The following CNTN6 variants were observed in gnomAD, a reference collection of about 807,000 sequenced individuals.
CNTN6 encodes the protein contactin-6.
A neutral mutation model predicts 122.8 loss-of-function variants in CNTN6; 137 were observed. The observed-to-expected ratio is 1.12, with a 90% CI of 0.97 to 1.29. The LOEUF is 1.29. Ranked by LOEUF, CNTN6 falls within the 50% of genes most tolerant of loss-of-function variation. CNTN6 has a pLI of 0.00. For synonymous variants in CNTN6, 570 were observed against 426.0 expected (o/e 1.34, Z -4.16); for missense variants, 1,634 against 1,223.4 (o/e 1.34, Z -5.01).
In CNTN6 at chr3:1,262,838, A is replaced by G. The variant is rs2094869010; in HGVS notation, c.359-15575A>G. Among the ~76,000 whole-genome samples the G allele has an allele frequency of 3.9e-5, 6 of 152,210 alleles. No individual in the cohort carries two copies. In the South Asian group the frequency reaches 8.3e-4, roughly 21 times the overall value. On this transcript the variant is annotated intron_variant, in intron 4 of 22. Transcript: ENST00000446702. ...TATTTACTGTACAATATGCTTGTATAGTACCCACATATATAGTATAAATTT... is the reference window on the plus strand; with the variant it reads ...TATTTACTGTACAATATGCTTGTATGGTACCCACATATATAGTATAAATTT...
chr3:1,343,231 A>G (rs1381028289), intron 11 of CNTN6, among the ~76,000 whole-genome samples: 1 of 152,180 alleles, frequency 6.6e-6, no homozygotes, highest in Non-Finnish European at 1.5e-5. Context: ...TGTTATCAGT[A>G]AGGCTGCTGG....
chr3:1,225,554 G>A (rs935990351), intron 3 of CNTN6, among the ~76,000 whole-genome samples: 3 of 152,094 alleles, frequency 2.0e-5, no homozygotes, highest in African/African-American at 7.2e-5. Context: ...AACTAAATAT[G>A]GTATATCCTA....
Position 1,110,024 on chromosome 3 carries a change from T to C in CNTN6, c.-83+16904T>C, listed in dbSNP as rs2091407325. On this transcript the variant is annotated intron_variant, in intron 1 of 22. Transcript: ENST00000446702. ...TGTTGTCTAGTTAGTGGAGCATTTA[T>C]TTATCAGCTTTTCCATTTGCTTGAA... is the stretch of plus-strand genomic sequence containing the variant. 2.0e-5 allele frequency among the ~76,000 whole-genome samples: 3 copies of C among 152,136 alleles called. No homozygotes were observed. The South Asian group carries it at 6.2e-4, about 31-fold the overall frequency.
At chr3:1,367,797 GA>G (rs1708454092) in intron 12 of CNTN6, among the ~76,000 whole-genome samples, 13 of 152,128 alleles carry the variant, frequency 8.5e-5, no homozygotes, top group Non-Finnish European at 1.3e-4. Context: ...TAAAGGGATG[GA>G]GATAATGGTG....
intron 4 of CNTN6, among the ~76,000 whole-genome samples, chr3:1,270,480 A>T (rs757145093): frequency 6.6e-6 from 1 of 152,190 alleles, no homozygotes; most frequent in Non-Finnish European, 1.5e-5. Context: ...GTCTTTCACC[A>T]TTTCTCTTTT....
chr3:1,184,078 T>G (rs1407697409), intron 2 of CNTN6, among the ~76,000 whole-genome samples: 1 of 152,160 alleles, frequency 6.6e-6, no homozygotes, highest in East Asian at 1.9e-4. Context: ...GTAGAGATAC[T>G]CTCTCACAAG....
intron 7 of CNTN6, among the ~76,000 whole-genome samples, chr3:1,311,423 G>A (rs200818570): frequency 0.14 from 7,079 of 48,914 alleles, 161 homozygotes; most frequent in African/African-American, 0.32. Context: ...GTCTTTATAT[G>A]TACATATATG....
intron 1 of CNTN6, among the ~76,000 whole-genome samples, chr3:1,147,322 A>G (rs2092744016): frequency 6.6e-6 from 1 of 152,102 alleles, no homozygotes; most frequent in Non-Finnish European, 1.5e-5. Context: ...TAAACAATCA[A>G]CCATAGTCTG....
At chr3:1,102,904 G>A (rs964017245) in intron 1 of CNTN6, among the ~76,000 whole-genome samples, 281 of 150,738 alleles carry the variant, frequency 1.9e-3, no homozygotes, top group African/African-American at 6.5e-3. Flanking sequence ...TCAGGAGATC[G>A]AGACCATCCT....
chr3:1,304,651 T>C (rs1031257783), intron 7 of CNTN6, among the ~76,000 whole-genome samples: 3 of 152,132 alleles, frequency 2.0e-5, no homozygotes, highest in African/African-American at 7.2e-5. Context: ...TTATATTATC[T>C]ATAATAACTA....
chr3:1,391,787 A>T (rs1446250610), intron 20 of CNTN6, among the ~76,000 whole-genome samples: 1 of 150,740 alleles, frequency 6.6e-6, no homozygotes, highest in Non-Finnish European at 1.5e-5. Flanking sequence ...CCAAATCATG[A>T]GTGAACTCCC....
intron 8 of CNTN6, among the ~76,000 whole-genome samples, chr3:1,324,846 T>C (rs1701314360): frequency 6.7e-6 from 1 of 149,742 alleles, no homozygotes; most frequent in African/African-American, 2.5e-5. Flanking sequence ...TTTTCTACCA[T>C]GTCATCTTGA....
intron 4 of CNTN6, among the ~76,000 whole-genome samples, chr3:1,244,652 A>G (rs987045363): frequency 6.6e-6 from 1 of 152,204 alleles, no homozygotes; most frequent in Non-Finnish European, 1.5e-5. Context: ...GAGACCGCCA[A>G]ACAGGCTTTG....
chr3:1,200,701 T>C (rs1274843349), intron 2 of CNTN6, among the ~76,000 whole-genome samples: 1 of 152,156 alleles, frequency 6.6e-6, no homozygotes. Context: ...CAGCCTTAAG[T>C]AAAATTTATG....
At chr3:1,245,058 A>G (rs1226750077) in intron 4 of CNTN6, among the ~76,000 whole-genome samples, 5 of 148,318 alleles carry the variant, frequency 3.4e-5, no homozygotes, top group Non-Finnish European at 7.4e-5. Context: ...GTTACAGGGG[A>G]TGCGATGGCC....
intron 11 of CNTN6, among the ~76,000 whole-genome samples, chr3:1,343,515 G>C (rs1704198754): frequency 6.6e-6 from 1 of 152,148 alleles, no homozygotes. Flanking sequence ...CTTTCTGTTA[G>C]GGGACTGAAT....
At chr3:1,228,847 T>C (rs960940927) in intron 4 of CNTN6, among the ~76,000 whole-genome samples, 1 of 152,214 alleles carries the variant, frequency 6.6e-6, no homozygotes, top group Non-Finnish European at 1.5e-5. Context: ...AAAACTCACC[T>C]TGTGAAACTA....
chr3:1,151,298 G>A (rs1320158090), intron 2 of CNTN6, among the ~76,000 whole-genome samples: 1 of 152,090 alleles, frequency 6.6e-6, no homozygotes. Flanking sequence ...AAAAGTTAAT[G>A]TTGTTTGTTC....
At chr3:1,198,205 T>A (rs1327805153) in intron 2 of CNTN6, among the ~76,000 whole-genome samples, 1 of 152,160 alleles carries the variant, frequency 6.6e-6, no homozygotes, top group Non-Finnish European at 1.5e-5. Context: ...AAAAACTTAT[T>A]CCTTGGTATG....
Sources: gnomAD v4.1 joint callset for allele counts (sites outside exome capture counted in the v4.1 genomes callset) on GRCh38, gnomAD v4.1.1 for gene constraint, MANE v1.5 for transcripts, NCBI Gene and HGNC (gene_info 2026-07-23, HGNC 2026-07-21) for gene names.